Variants in STAU2 observed in about 807,000 individuals in gnomAD.
The protein encoded by STAU2 is double-stranded RNA-binding protein Staufen homolog 2.
A neutral mutation model predicts 65.9 loss-of-function variants in STAU2; 20 were observed. That is an observed-to-expected ratio of 0.30 (90% CI 0.21 to 0.44). The LOEUF (loss-of-function observed/expected upper bound fraction) is 0.44. Ranked by LOEUF, STAU2 falls within the 20% of genes least tolerant of loss-of-function variation. The probability of loss-of-function intolerance (pLI) is 1.00; values close to 1 mark genes in which losing one functional copy is unlikely to be tolerated. For missense variants in STAU2, 558 were observed against 683.9 expected (o/e 0.82, Z 2.05); for synonymous variants, 232 against 233.9 (o/e 0.99, Z 0.07).
intron 6 of STAU2, among the ~76,000 whole-genome samples, chr8:73,664,548 C>T (rs1817089720): frequency 6.6e-6 from 1 of 152,218 alleles, no homozygotes; most frequent in Admixed American, 6.5e-5. Context: ...TAATGAGATA[C>T]TGATATGGTT....
intron 6 of STAU2, among the ~76,000 whole-genome samples, chr8:73,638,514 T>C (rs1814719590): frequency 6.6e-6 from 1 of 151,428 alleles, no homozygotes; most frequent in Admixed American, 6.6e-5. Flanking sequence ...TTTTTTTTTT[T>C]TTTTAAAAAG....
At position 73,541,708 on chromosome 8, in the gene STAU2, T is replaced by C. The variant is rs1017729972; in HGVS notation, c.1530+10304A>G. On this transcript the variant is annotated intron_variant, in intron 13 of 14. Coordinates refer to ENST00000524300, the MANE Select transcript of STAU2 (RefSeq NM_001164380.2). ...GAATTAAATGAAAATACAATCTCAG[T>C]AACTATACAGATATGGAATCTCAAC... is the stretch of plus-strand genomic sequence containing the variant. 3.3e-5 allele frequency among the ~76,000 whole-genome samples: 5 copies of C among 152,168 alleles called. No homozygotes were observed. In the East Asian group the frequency reaches 9.6e-4, roughly 29 times the overall value.
chr8:73,578,118 C>T (rs1809714254), intron 12 of STAU2, among the ~76,000 whole-genome samples: 1 of 151,994 alleles, frequency 6.6e-6, no homozygotes, highest in African/African-American at 2.4e-5. Context: ...CCTAAAAATG[C>T]TCATATTATT....
At chr8:73,471,027 C>A (rs1819966499) in intron 13 of STAU2, among the ~76,000 whole-genome samples, 1 of 152,132 alleles carries the variant, frequency 6.6e-6, no homozygotes, top group Non-Finnish European at 1.5e-5. Context: ...CTCCCCTCCC[C>A]AACTCCTAAT....
intron 11 of STAU2, among the ~76,000 whole-genome samples, chr8:73,585,848 G>C (rs1242586038): frequency 6.6e-6 from 1 of 152,202 alleles, no homozygotes; most frequent in Admixed American, 6.5e-5. Context: ...AGAGATAACT[G>C]AATCAAGTGG....
intron 5 of STAU2, among the ~76,000 whole-genome samples, chr8:73,678,612 C>T (rs1351163427): frequency 6.6e-6 from 1 of 152,112 alleles, no homozygotes; most frequent in Non-Finnish European, 1.5e-5. Context: ...GACTGTAAGA[C>T]ACTCACTGAA....
At chr8:73,627,455 T>C (rs1199950509) in intron 6 of STAU2, among the ~76,000 whole-genome samples, 2 of 152,142 alleles carry the variant, frequency 1.3e-5, no homozygotes, top group Admixed American at 1.3e-4. Flanking sequence ...CCTTCTTCCC[T>C]GTTTGTGAAT....
At chr8:73,612,411 C>T (rs187399434) in intron 9 of STAU2, among the ~76,000 whole-genome samples, 129 of 152,268 alleles carry the variant, frequency 8.5e-4, no homozygotes, top group African/African-American at 3.1e-3. Flanking sequence ...GGGATTCATA[C>T]TCAGAACTGA....
At chr8:73,659,210 A>G (rs1816637661) in intron 6 of STAU2, among the ~76,000 whole-genome samples, 1 of 152,194 alleles carries the variant, frequency 6.6e-6, no homozygotes, top group African/African-American at 2.4e-5. Context: ...GAATACTGAA[A>G]GCCCACGTAT....
At chr8:73,588,700 T>C (rs1485403673) in intron 11 of STAU2, among the ~76,000 whole-genome samples, 1 of 152,076 alleles carries the variant, frequency 6.6e-6, no homozygotes, top group African/African-American at 2.4e-5. Flanking sequence ...GCAAAAGCTA[T>C]ATGCTCCTGG....
chr8:73,678,752 T>A (rs6982506), intron 5 of STAU2, among the ~76,000 whole-genome samples: 30,767 of 152,134 alleles, frequency 0.2, 3,487 homozygotes, highest in East Asian at 0.37. Context: ...GGACAATCTT[T>A]TAGGAACTTC....
intron 12 of STAU2, among the ~76,000 whole-genome samples, chr8:73,564,088 G>C (rs1213810940): frequency 1.3e-5 from 2 of 152,268 alleles, no homozygotes; most frequent in East Asian, 3.9e-4. Flanking sequence ...TGCCGGGAGA[G>C]AGCATTCCAG....
chr8:73,626,736 A>C (rs1389523669), intron 6 of STAU2, among the ~76,000 whole-genome samples: 1 of 152,188 alleles, frequency 6.6e-6, no homozygotes, highest in African/African-American at 2.4e-5. Flanking sequence ...AGCTGGAATT[A>C]ACCAGTTACA....
chr8:73,480,080 CA>C (rs1190431920), intron 13 of STAU2, among the ~76,000 whole-genome samples: 1 of 152,034 alleles, frequency 6.6e-6, no homozygotes, highest in Non-Finnish European at 1.5e-5. Context: ...CATTGTTCAC[CA>C]CTGTCTACAG....
At chr8:73,545,709 G>T (rs576314195) in intron 13 of STAU2, among the ~76,000 whole-genome samples, 2 of 151,098 alleles carry the variant, frequency 1.3e-5, no homozygotes, top group East Asian at 3.9e-4. Flanking sequence ...GTCCAGTGGT[G>T]CAATCTTGGC....
intron 1 of STAU2, among the ~76,000 whole-genome samples, chr8:73,743,443 A>T (rs567634142): frequency 6.6e-6 from 1 of 150,886 alleles, no homozygotes; most frequent in Admixed American, 6.6e-5. Flanking sequence ...ACACCAAATT[A>T]AAAAAGACTT....
Position 73,728,339 on chromosome 8 carries a change from C to T in STAU2, c.-18+9945G>A, listed in dbSNP as rs562110445. Among the ~76,000 whole-genome samples, 8 of 151,980 alleles carry T rather than the reference C, an allele frequency of 5.3e-5. No homozygotes were observed. The East Asian group carries it at 1.5e-3, about 29-fold the overall frequency. Reference sequence around the variant, plus strand: ...CACTATTTTGATCATTGTAGCTTTGCAGTAAGTTTCTTAATTGGGAAATAT... The same window carrying T: ...CACTATTTTGATCATTGTAGCTTTGTAGTAAGTTTCTTAATTGGGAAATAT... On this transcript the variant is annotated intron_variant, in intron 3 of 14. Transcript: ENST00000524300.
chr8:73,475,858 T>C (rs1351524332), intron 13 of STAU2, among the ~76,000 whole-genome samples: 1 of 152,214 alleles, frequency 6.6e-6, no homozygotes, highest in Non-Finnish European at 1.5e-5. Flanking sequence ...TACTTTTCAT[T>C]CTAGCTTTCT....
chr8:73,622,139 T>A (rs1563464045), intron 6 of STAU2, among the ~76,000 whole-genome samples: 2 of 55,308 alleles, frequency 3.6e-5, no homozygotes, highest in South Asian at 7.6e-4. Flanking sequence ...TTTTTTTTTT[T>A]TTTTTTGAGA....
Sources: gnomAD v4.1 joint callset for allele counts (sites outside exome capture counted in the v4.1 genomes callset) on GRCh38, gnomAD v4.1.1 for gene constraint, MANE v1.5 for transcripts, NCBI Gene and HGNC (gene_info 2026-07-23, HGNC 2026-07-21) for gene names.